Variants in SPAG16 observed in about 807,000 individuals in gnomAD.
SPAG16 encodes the protein sperm associated antigen 16.
In SPAG16, 86 loss-of-function variants were observed where a neutral mutation model predicts 80.4. The ratio of observed to expected loss-of-function variants is 1.07; its 90% confidence interval spans 0.90 to 1.28. The LOEUF is 1.28. SPAG16 is among the 50% of genes most tolerant of loss of function. The pLI is 0.00. For synonymous variants in SPAG16, 294 were observed against 265.9 expected, an observed-to-expected ratio of 1.11 and a Z score of -1.03; for missense variants, 870 against 765.3, an observed-to-expected ratio of 1.14 and a Z score of -1.61.
At chr2:213,874,397 T>G (rs969875054) in intron 11 of SPAG16, among the ~76,000 whole-genome samples, 18 of 152,088 alleles carry the variant, frequency 1.2e-4, no homozygotes, top group African/African-American at 4.3e-4. Context: ...TTCTATAAAT[T>G]TTTCTCTATT....
chr2:213,902,210 A>AG (rs1330674915), intron 11 of SPAG16, among the ~76,000 whole-genome samples: 1 of 152,244 alleles, frequency 6.6e-6, no homozygotes, highest in Admixed American at 6.5e-5. Context: ...AGAATAAAGA[A>AG]GTAGGTAAAG....
At chr2:214,281,597 G>A (rs1468675116) in intron 15 of SPAG16, 1 of 152,188 alleles carries the variant, frequency 6.6e-6, no homozygotes, top group South Asian at 2.1e-4. Flanking sequence ...TGGTGGGAAT[G>A]TAAAATGGCA....
Position 214,076,513 on chromosome 2 carries a change from CTGTG to C in SPAG16, c.1528-31657_1528-31654del, listed in dbSNP as rs71399105. Among the ~76,000 whole-genome samples the C allele has an allele frequency of 2.2e-3, 320 of 143,392 alleles. 1 individual carries two copies. The highest frequency in any genetic ancestry group is 5.0e-3 in the South Asian group (21 of 4,226). 94.1% of individuals were successfully genotyped at this position (143,392 alleles called of 152,430 possible). ...TTATTTTAATTCTTCTTATTTTATT[CTGTG>C]TGTGTGTGTGTGTGTGTGTGTGTGT... On this transcript the variant is annotated intron_variant, in intron 13 of 15. Transcript: ENST00000331683.
At chr2:213,534,189 T>C (rs2076165198) in intron 10 of SPAG16, among the ~76,000 whole-genome samples, 1 of 152,120 alleles carries the variant, frequency 6.6e-6, no homozygotes, top group South Asian at 2.1e-4. Flanking sequence ...TTTTCTACAA[T>C]GGTGTTAATC....
intron 15 of SPAG16, among the ~76,000 whole-genome samples, chr2:214,342,942 C>A (rs1697806416): frequency 1.3e-5 from 2 of 152,084 alleles, no homozygotes; most frequent in South Asian, 4.2e-4. Flanking sequence ...ATGTAACTCT[C>A]CACAACCCTG....
intron 3 of SPAG16, among the ~76,000 whole-genome samples, chr2:213,304,026 C>G (rs2062848078): frequency 6.6e-6 from 1 of 152,072 alleles, no homozygotes; most frequent in Admixed American, 6.6e-5. Flanking sequence ...TACTTTTTCT[C>G]CACATCCTTG....
chr2:213,731,497 C>G (rs556566298), intron 10 of SPAG16, among the ~76,000 whole-genome samples: 22 of 146,934 alleles, frequency 1.5e-4, no homozygotes, highest in Non-Finnish European at 3.3e-4. Flanking sequence ...CTTTTAAGTT[C>G]AGGGGTACAT....
intron 10 of SPAG16, among the ~76,000 whole-genome samples, chr2:213,575,980 C>T (rs1409705073): frequency 6.6e-6 from 1 of 151,920 alleles, no homozygotes; most frequent in East Asian, 1.9e-4. Context: ...TCCATTTGCT[C>T]AAAGTTAAAA....
chr2:214,000,297 G>A (rs1338390230), intron 12 of SPAG16, among the ~76,000 whole-genome samples: 3 of 152,058 alleles, frequency 2.0e-5, no homozygotes, highest in African/African-American at 7.2e-5. Context: ...GAGTTCTGAC[G>A]GTTTTATCAG....
At chr2:214,125,326 C>A (rs1212759897) in intron 14 of SPAG16, among the ~76,000 whole-genome samples, 1 of 151,562 alleles carries the variant, frequency 6.6e-6, no homozygotes, top group Non-Finnish European at 1.5e-5. Context: ...TTTTTACAGA[C>A]TGAAATACAA....
In SPAG16 at chr2:213,853,940, A is replaced by G. The variant is rs1331347178; in HGVS notation, c.1071-8545A>G. On this transcript the variant is annotated intron_variant, in intron 10 of 15. Transcript: ENST00000331683. ...CTCCGCATGCCCAGGGTCTAAAATG[A>G]GCTTTTCCCCCAAGATTAGCAACTA... Among the ~76,000 whole-genome samples, 2 of 152,136 alleles carry G rather than the reference A, an allele frequency of 1.3e-5. 1 individual carries two copies. The highest frequency in any genetic ancestry group is 1.3e-4 in the Admixed American group (2 of 15,260).
At chr2:213,679,602 C>T (rs963363714) in intron 10 of SPAG16, among the ~76,000 whole-genome samples, 5 of 152,122 alleles carry the variant, frequency 3.3e-5, no homozygotes, top group Non-Finnish European at 5.9e-5. Flanking sequence ...TTTCACAATT[C>T]CCTGTTGCTC....
intron 10 of SPAG16, among the ~76,000 whole-genome samples, chr2:213,646,179 C>T (rs571427374): frequency 6.6e-6 from 1 of 152,310 alleles, no homozygotes; most frequent in South Asian, 2.1e-4. Flanking sequence ...TTCAGTGCCT[C>T]TTTCGACGAT....
chr2:214,160,247 T>A (rs1335431554), intron 15 of SPAG16, among the ~76,000 whole-genome samples: 1 of 152,022 alleles, frequency 6.6e-6, no homozygotes, highest in Non-Finnish European at 1.5e-5. Context: ...CTCAATTAAA[T>A]TAATGGACTC....
intron 9 of SPAG16, among the ~76,000 whole-genome samples, chr2:213,403,018 G>C (rs968303062): frequency 6.6e-6 from 1 of 151,836 alleles, no homozygotes; most frequent in Admixed American, 6.6e-5. Flanking sequence ...CTTCCACAAT[G>C]GTTGAACTAG....
At chr2:213,371,396 C>CAAAAAA (rs1161878780) in intron 8 of SPAG16, among the ~76,000 whole-genome samples, 4 of 47,302 alleles carry the variant, frequency 8.5e-5, no homozygotes, top group African/African-American at 2.6e-4. Flanking sequence ...GACCGTGTCT[C>CAAAAAA]AAAAAAAAAA....
intron 9 of SPAG16, among the ~76,000 whole-genome samples, chr2:213,384,938 C>T (rs1486418638): frequency 6.6e-6 from 1 of 152,156 alleles, no homozygotes; most frequent in African/African-American, 2.4e-5. Flanking sequence ...CATAATTGTG[C>T]CCATCTTGCT....
intron 15 of SPAG16, among the ~76,000 whole-genome samples, chr2:214,355,984 G>T (rs969631475): frequency 7.4e-6 from 1 of 134,262 alleles, no homozygotes; most frequent in African/African-American, 2.8e-5. Context: ...AGAACACATG[G>T]ACACAGGAAG....
intron 14 of SPAG16, 30 bp from the exon 15 acceptor site, chr2:214,149,105 ACACAT>A: frequency 8.6e-7 from 1 of 1,161,702 alleles, no homozygotes; most frequent in South Asian, 1.5e-5. Context: ...ATACATACAT[ACACAT>A]TTTATTTTTG....
Sources: allele counts gnomAD v4.1 joint callset (sites outside exome capture counted in the v4.1 genomes callset), GRCh38; gene constraint gnomAD v4.1.1; transcripts MANE v1.5; gene names NCBI Gene and HGNC (gene_info 2026-07-23, HGNC 2026-07-21).